Variants in RCSD1 observed in about 807,000 individuals in gnomAD.
RCSD1 encodes the protein RCSD domain containing 1, also known as capZ-interacting protein.
Under a neutral mutation model 42.5 loss-of-function variants are expected in RCSD1, and 26 were observed. The ratio of observed to expected loss-of-function variants is 0.61; its 90% CI spans 0.45 to 0.85. The LOEUF is 0.85. Ranked by LOEUF, RCSD1 falls within the 40% of genes least tolerant of loss-of-function variation. RCSD1 has a pLI of 0.00. For missense variants in RCSD1, 571 were observed against 528.3 expected (o/e 1.08, Z -0.79); for synonymous variants, 220 against 212.2 (o/e 1.04, Z -0.32).
At chr1:167,700,243 T>G (rs767343543) in intron 6 of RCSD1, among the ~76,000 whole-genome samples, 26 of 152,178 alleles carry the variant, frequency 1.7e-4, no homozygotes, top group Non-Finnish European at 1.3e-4. Flanking sequence ...CACGTTATTC[T>G]CACTCACGCT....
chr1:167,697,124 G>A lies in RCSD1; in HGVS notation c.500G>A (p.Arg167Lys), dbSNP rs935175976. The A allele has an allele frequency of 3.1e-6, 5 of 1,613,302 alleles. No individual in the cohort carries two copies. In the African/African-American group the frequency reaches 6.7e-5, roughly 22 times the overall value. The change falls in exon 6 of 7, where the codon AGG becomes AAG. Residue 167 changes from arginine (R) to lysine (K), a missense_variant. Coordinates refer to ENST00000367854, the MANE Select transcript of RCSD1 (RefSeq NM_052862.4). ...NKVRTRGSIK[R>K]RPPSRRFRRS... is the part of the protein sequence containing the mutation. ...GTGCGGACGAGGGGCTCAATAAAAA[G>A]GCGCCCTCCCTCCAGGCGATTCCGA...
intron 1 of RCSD1, among the ~76,000 whole-genome samples, chr1:167,645,827 G>C (rs149010857): frequency 3.2e-4 from 48 of 152,308 alleles, no homozygotes; most frequent in African/African-American, 1.2e-3. Flanking sequence ...TGGATGCAGT[G>C]AGGTGGTGCA....
At chr1:167,641,735 G>C (rs1157318575) in intron 1 of RCSD1, 1 of 152,168 alleles carries the variant, frequency 6.6e-6, no homozygotes, top group East Asian at 1.9e-4. Flanking sequence ...ATAAGAATAA[G>C]ACACAATCCT....
intron 1 of RCSD1, among the ~76,000 whole-genome samples, chr1:167,681,332 G>A (rs528372441): frequency 7.2e-5 from 11 of 152,274 alleles, no homozygotes; most frequent in South Asian, 4.1e-4. Flanking sequence ...GAGGGCAGAC[G>A]GTAATAATCA....
At chr1:167,642,774 T>C (rs1433254133) in intron 1 of RCSD1, among the ~76,000 whole-genome samples, 1 of 152,188 alleles carries the variant, frequency 6.6e-6, no homozygotes, top group African/African-American at 2.4e-5. Flanking sequence ...CTACATGCAG[T>C]TATATAACAC....
chr1:167,682,448 G>A (rs541352246), intron 1 of RCSD1, among the ~76,000 whole-genome samples: 29 of 152,186 alleles, frequency 1.9e-4, no homozygotes, highest in Non-Finnish European at 3.8e-4. Context: ...GATTACAGGC[G>A]TGAGCCACCA....
intron 6 of RCSD1, among the ~76,000 whole-genome samples, chr1:167,703,660 A>G (rs1174643000): frequency 6.6e-6 from 1 of 152,184 alleles, no homozygotes; most frequent in Non-Finnish European, 1.5e-5. Context: ...GCCCACTGGA[A>G]AATGGAGTTC....
intron 1 of RCSD1, among the ~76,000 whole-genome samples, chr1:167,673,727 A>C (rs1658867452): frequency 2.0e-5 from 3 of 152,192 alleles, no homozygotes; most frequent in African/African-American, 4.8e-5. Flanking sequence ...TTTTGCTTAG[A>C]CCATATTGAA....
chr1:167,647,732 C>T (rs1658197281), intron 1 of RCSD1, among the ~76,000 whole-genome samples: 1 of 152,040 alleles, frequency 6.6e-6, no homozygotes, highest in Non-Finnish European at 1.5e-5. Flanking sequence ...GAGTAAGACC[C>T]TATATCAAAA....
intron 1 of RCSD1, chr1:167,664,233 G>C (rs1415780990): frequency 6.6e-6 from 1 of 152,262 alleles, no homozygotes; most frequent in Non-Finnish European, 1.5e-5. Context: ...CCACTATCTT[G>C]CTGCATGAGT....
At chr1:167,672,253 C>T (rs1658828509) in intron 1 of RCSD1, among the ~76,000 whole-genome samples, 1 of 152,266 alleles carries the variant, frequency 6.6e-6, no homozygotes, top group Non-Finnish European at 1.5e-5. Context: ...ACTTTCTCTT[C>T]TTCCCCACTA....
chr1:167,659,265 G>A (rs774804138), intron 1 of RCSD1, among the ~76,000 whole-genome samples: 6 of 152,188 alleles, frequency 3.9e-5, no homozygotes, highest in Middle Eastern at 3.4e-3. Context: ...GTCATTATGC[G>A]AGAGTGCTTT....
chr1:167,680,801 C>T (rs530448473), intron 1 of RCSD1, among the ~76,000 whole-genome samples: 1 of 152,308 alleles, frequency 6.6e-6, no homozygotes, highest in South Asian at 2.1e-4. Context: ...AGGCTCTGTG[C>T]TAAGTACTTT....
At chr1:167,640,196 C>T (rs976628639) in intron 1 of RCSD1, among the ~76,000 whole-genome samples, 1 of 152,122 alleles carries the variant, frequency 6.6e-6, no homozygotes, top group African/African-American at 2.4e-5. Flanking sequence ...CTGGGTGGCT[C>T]AAAACAACAG....
intron 1 of RCSD1, among the ~76,000 whole-genome samples, chr1:167,671,979 T>G (rs931967895): frequency 7.9e-5 from 12 of 152,132 alleles, no homozygotes; most frequent in African/African-American, 2.9e-4. Context: ...CTCCTGGAAG[T>G]CTTCCCGGGT....
At chr1:167,641,178 G>A (rs780959218) in intron 1 of RCSD1, among the ~76,000 whole-genome samples, 2 of 152,010 alleles carry the variant, frequency 1.3e-5, no homozygotes, top group South Asian at 2.1e-4. Context: ...TCTCCAGGCC[G>A]CTATGGAGCA....
intron 1 of RCSD1, among the ~76,000 whole-genome samples, chr1:167,630,899 C>T (rs560807555): frequency 2.0e-5 from 3 of 152,204 alleles, no homozygotes; most frequent in Admixed American, 6.5e-5. Context: ...GGTCTGTGGG[C>T]TTCCCTTTTC....
chr1:167,634,535 A>G (rs777701557), intron 1 of RCSD1, among the ~76,000 whole-genome samples: 3 of 152,252 alleles, frequency 2.0e-5, no homozygotes, highest in Admixed American at 6.5e-5. Context: ...AGGAACCCAG[A>G]GGACAGAGGT....
intron 1 of RCSD1, among the ~76,000 whole-genome samples, chr1:167,666,476 G>A (rs1658659025): frequency 6.6e-6 from 1 of 152,232 alleles, no homozygotes; most frequent in African/African-American, 2.4e-5. Context: ...AAGAGAGACA[G>A]TGAGCAGGAA....
Sources: allele counts gnomAD v4.1 joint callset (sites outside exome capture counted in the v4.1 genomes callset), GRCh38; gene constraint gnomAD v4.1.1; transcripts MANE v1.5; gene names NCBI Gene and HGNC (gene_info 2026-07-23, HGNC 2026-07-21).